The following PRKG1 variants were observed in gnomAD, a reference collection of about 807,000 sequenced individuals.
PRKG1 encodes cGMP-dependent protein kinase 1.
PRKG1 carries 35 observed loss-of-function variants against 88.1 expected under a neutral mutation model. The observed-to-expected ratio is 0.40, with a 90% CI of 0.30 to 0.53. PRKG1 has a LOEUF of 0.53. Among genes scored for constraint, PRKG1 ranks in the 20% least tolerant of loss-of-function variants. The pLI is 0.59. For missense variants in PRKG1, 540 were observed against 839.8 expected (o/e 0.64, Z 4.41); for synonymous variants, 303 against 292.5 (o/e 1.04, Z -0.37).
At chr10:51,681,731 A>C (rs1273197825) in intron 3 of PRKG1, among the ~76,000 whole-genome samples, 2 of 152,140 alleles carry the variant, frequency 1.3e-5, no homozygotes, top group Admixed American at 1.3e-4. Flanking sequence ...TCTTTAAGTA[A>C]GGCTCAGAAA....
chr10:52,259,528 T>C (rs763148898), intron 10 of PRKG1, among the ~76,000 whole-genome samples: 1 of 152,148 alleles, frequency 6.6e-6, no homozygotes, highest in Non-Finnish European at 1.5e-5. Context: ...ATATATTTAA[T>C]TTATTGCTAA....
intron 3 of PRKG1, among the ~76,000 whole-genome samples, chr10:51,514,831 T>G (rs565708634): frequency 1.3e-5 from 2 of 152,324 alleles, no homozygotes; most frequent in Admixed American, 6.5e-5. Flanking sequence ...TGCTGGGAAT[T>G]TATCCAAAGA....
At chr10:51,396,902 T>C (rs1282682026) in intron 2 of PRKG1, among the ~76,000 whole-genome samples, 2 of 152,116 alleles carry the variant, frequency 1.3e-5, no homozygotes. Flanking sequence ...GACTCAATAT[T>C]CAAGATAAAT....
chr10:50,993,178 T>C (rs1055409354), intron 1 of PRKG1, among the ~76,000 whole-genome samples: 1 of 152,146 alleles, frequency 6.6e-6, no homozygotes, highest in Non-Finnish European at 1.5e-5. Context: ...TTCAGAGTTA[T>C]TAGAAGAAGA....
At chr10:52,075,111 G>C (rs776819066) in intron 7 of PRKG1, among the ~76,000 whole-genome samples, 1 of 151,994 alleles carries the variant, frequency 6.6e-6, no homozygotes, top group Non-Finnish European at 1.5e-5. Flanking sequence ...ATAAATAATC[G>C]TATAGGTACT....
chr10:51,906,087 G>A (rs1388772408), intron 4 of PRKG1, among the ~76,000 whole-genome samples: 1 of 152,130 alleles, frequency 6.6e-6, no homozygotes, highest in Non-Finnish European at 1.5e-5. Context: ...AAGTTGTTAA[G>A]TGAATGTTTG....
intron 14 of PRKG1, among the ~76,000 whole-genome samples, chr10:52,284,311 CTT>C (rs1589758610): frequency 6.6e-6 from 1 of 151,956 alleles, no homozygotes; most frequent in Admixed American, 6.6e-5. Flanking sequence ...CAAAACCAAA[CTT>C]AATTTTTTTA....
chr10:51,182,630 C>T (rs911009222), intron 2 of PRKG1, among the ~76,000 whole-genome samples: 1 of 152,110 alleles, frequency 6.6e-6, no homozygotes, highest in African/African-American at 2.4e-5. Context: ...GTGCAGGCCT[C>T]CAGTGGGTTA....
intron 3 of PRKG1, among the ~76,000 whole-genome samples, chr10:51,581,969 G>A (rs950246599): frequency 6.6e-6 from 1 of 151,872 alleles, no homozygotes. Context: ...CCTTTTAAAT[G>A]GTCCACAAAG....
intron 3 of PRKG1, among the ~76,000 whole-genome samples, chr10:51,681,567 C>T (rs924534587): frequency 3.9e-5 from 6 of 152,246 alleles, no homozygotes; most frequent in Admixed American, 2.6e-4. Flanking sequence ...ATATCTCTAA[C>T]ATTGGATTTT....
chr10:52,276,947 A>G (rs373162862), intron 12 of PRKG1, among the ~76,000 whole-genome samples: 7 of 152,274 alleles, frequency 4.6e-5, no homozygotes, highest in African/African-American at 1.4e-4. Context: ...TAGATTTATC[A>G]AAGTTTGAGA....
chr10:51,063,134 A>G (rs949249467), intron 1 of PRKG1, among the ~76,000 whole-genome samples: 5 of 152,196 alleles, frequency 3.3e-5, no homozygotes, highest in African/African-American at 9.7e-5. Context: ...AAATATGCCA[A>G]TTGTTTGCTT....
chr10:52,256,044 G>A (rs2132408337), intron 10 of PRKG1, among the ~76,000 whole-genome samples: 2 of 141,846 alleles, frequency 1.4e-5, no homozygotes, highest in Middle Eastern at 7.2e-3. Flanking sequence ...CTTAGTCATT[G>A]AAAGAGCTGT....
chr10:51,554,331 CATATATT>C (rs1330740418), intron 3 of PRKG1, among the ~76,000 whole-genome samples: 1 of 124,950 alleles, frequency 8.0e-6, no homozygotes, highest in African/African-American at 2.8e-5. Context: ...TATATACACA[CATATATT>C]ATATACACAT....
At chr10:52,098,170 C>A (rs552854847) in intron 7 of PRKG1, among the ~76,000 whole-genome samples, 9 of 152,224 alleles carry the variant, frequency 5.9e-5, no homozygotes, top group Admixed American at 5.9e-4. Context: ...ATAATCATTT[C>A]TATGTCAAGA....
chr10:51,040,447 C>A (rs1843406726), intron 1 of PRKG1, among the ~76,000 whole-genome samples: 1 of 150,338 alleles, frequency 6.7e-6, no homozygotes, highest in Admixed American at 6.7e-5. Flanking sequence ...GCCTCCCGAG[C>A]AGCTGGGATT....
At chr10:52,197,436 T>TAC (rs201660331) in intron 9 of PRKG1, among the ~76,000 whole-genome samples, 2,150 of 152,328 alleles carry the variant, frequency 0.014, 57 homozygotes, top group African/African-American at 0.049. Context: ...AACATTTACT[T>TAC]ATGACAAGTG....
intron 12 of PRKG1, among the ~76,000 whole-genome samples, chr10:52,273,753 C>T (rs1042593011): frequency 3.9e-5 from 6 of 152,052 alleles, no homozygotes; most frequent in East Asian, 1.9e-4. Context: ...ATAAGGTTAA[C>T]ATCTATACTA....
At chr10:51,939,758 T>A (rs1276374370) in intron 5 of PRKG1, among the ~76,000 whole-genome samples, 1 of 150,732 alleles carries the variant, frequency 6.6e-6, no homozygotes, top group Non-Finnish European at 1.5e-5. Flanking sequence ...ATAATACATA[T>A]ATATTTGGTA....
Sources: gnomAD v4.1 joint callset for allele counts (sites outside exome capture counted in the v4.1 genomes callset) on GRCh38, gnomAD v4.1.1 for gene constraint, MANE v1.5 for transcripts, NCBI Gene and HGNC (gene_info 2026-07-23, HGNC 2026-07-21) for gene names.